KMT2C: variants seen among roughly 807,000 people sequenced by gnomAD.
The protein encoded by KMT2C is lysine methyltransferase 2C.
KMT2C carries 88 observed loss-of-function variants against 507.9 expected under a neutral mutation model. That is an observed-to-expected ratio of 0.17 (90% CI 0.15 to 0.21). The LOEUF (loss-of-function observed/expected upper bound fraction) is 0.21. Ranked by LOEUF, KMT2C falls within the 10% of genes least tolerant of loss-of-function variation. The pLI is 1.00. For missense variants in KMT2C, 4,954 were observed against 5,957.8 expected, an observed-to-expected ratio of 0.83 and a Z score of 5.55; for synonymous variants, 2,049 against 2,080.8, an observed-to-expected ratio of 0.98 and a Z score of 0.42.
chr7:152,324,507 T>C (rs1434093611), intron 3 of KMT2C, among the ~76,000 whole-genome samples: 2 of 151,912 alleles, frequency 1.3e-5, no homozygotes, highest in Non-Finnish European at 2.9e-5. Context: ...AGATAAAATG[T>C]ATATGTTCTG....
At position 152,193,997 on chromosome 7, in the gene KMT2C, G is replaced by A. The variant is rs1373382813; in HGVS notation, c.4660+12C>T. ...TGTGAATATAATGTAGAATTATAAA[G>A]TCATAACATACCCTGATTGTGTATT... On this transcript the variant is annotated intron_variant, in intron 31 of 58. Transcript: ENST00000262189. 2.6e-6 allele frequency: 4 copies of A among 1,528,606 alleles called. No homozygotes were observed. The highest frequency in any genetic ancestry group is 3.5e-6 in the Non-Finnish European group (4 of 1,146,636). The allele number at this position is 1,528,606 out of a possible 1,614,324, so 94.7% of individuals were successfully genotyped here. A position where few individuals can be genotyped will look rare whatever the true frequency, so the allele number is the denominator to read the frequency against.
intron 11 of KMT2C, 65 bp from the exon 12 acceptor site, chr7:152,251,031 A>G (rs2095554870): frequency 2.2e-6 from 2 of 910,300 alleles, no homozygotes; most frequent in African/African-American, 1.7e-5. Flanking sequence ...TTAAGTCAAC[A>G]ATTATGATTT....
Position 152,309,095 on chromosome 7 carries a change from T to A in KMT2C, c.849+871A>T, listed in dbSNP as rs370366638. ...AAATATCAAACAGAGGTAGTCCACA[T>A]TATGGACTAATGACCTTCAAATCTT... On this transcript the variant is annotated intron_variant, in intron 6 of 58. Coordinates refer to ENST00000262189, the MANE Select transcript of KMT2C (RefSeq NM_170606.3). Among the ~76,000 whole-genome samples the A allele has an allele frequency of 4.1e-4, 63 of 152,294 alleles. 1 individual carries two copies. Among genetic ancestry groups the A allele is most frequent in the African/African-American group, 1.5e-3 (61 of 41,548 alleles).
intron 26 of KMT2C, among the ~76,000 whole-genome samples, chr7:152,202,697 G>A (rs2094184724): frequency 6.6e-6 from 1 of 152,118 alleles, no homozygotes; most frequent in Non-Finnish European, 1.5e-5. Flanking sequence ...CTTATAGAAT[G>A]CTTAGAAGTG....
chr7:152,146,149 G>A (rs149626377), intron 53 of KMT2C, among the ~76,000 whole-genome samples: 2 of 152,198 alleles, frequency 1.3e-5, no homozygotes, highest in Non-Finnish European at 2.9e-5. Flanking sequence ...TGTCAAGAGA[G>A]GACAGAAATC....
chr7:152,409,453 C>G (rs1018817500), intron 1 of KMT2C, among the ~76,000 whole-genome samples: 1 of 151,726 alleles, frequency 6.6e-6, no homozygotes, highest in African/African-American at 2.4e-5. Context: ...TGCAGTGGCT[C>G]ACGCCTGTAA....
chr7:152,199,262 T>C lies in KMT2C; in HGVS notation c.4273+17A>G, dbSNP rs1305617591. The stretch of plus-strand genomic sequence containing the variant: ...TTATATGATATAAAGAAAATATCTG[T>C]GAATAATTCTACATACCGTGAGTTC... On this transcript the variant is annotated intron_variant, in intron 27 of 58. Transcript: ENST00000262189. The C allele has an allele frequency of 6.4e-7, 1 of 1,557,358 alleles. No individual in the cohort carries two copies. The highest frequency in any genetic ancestry group is 8.7e-7 in the Non-Finnish European group (1 of 1,154,764).
chr7:152,306,781 A>G (rs1271817351), intron 6 of KMT2C, among the ~76,000 whole-genome samples: 1 of 152,140 alleles, frequency 6.6e-6, no homozygotes, highest in Admixed American at 6.5e-5. Context: ...TTATGTTTGA[A>G]TTTTTGCCAG....
intron 1 of KMT2C, among the ~76,000 whole-genome samples, chr7:152,412,162 G>A (rs1339171548): frequency 2.6e-5 from 4 of 152,242 alleles, no homozygotes; most frequent in South Asian, 4.1e-4. Flanking sequence ...AGCAGTTTAG[G>A]AGGCCAAGGC....
chr7:152,364,183 T>C (rs572605258), intron 1 of KMT2C, among the ~76,000 whole-genome samples: 3 of 152,196 alleles, frequency 2.0e-5, no homozygotes, highest in Non-Finnish European at 4.4e-5. Context: ...CTACTGGGCA[T>C]AATCCAATAA....
At chr7:152,205,081 A>C (rs773337356) in intron 25 of KMT2C, 25 bp downstream of exon 25, 1 of 1,473,810 alleles carries the variant, frequency 6.8e-7, no homozygotes, top group Non-Finnish European at 9.2e-7. Flanking sequence ...TAAAAAAAAA[A>C]TTTTTTTTTA....
intron 14 of KMT2C, among the ~76,000 whole-genome samples, chr7:152,244,307 C>A (rs1137878): frequency 6.6e-6 from 1 of 152,020 alleles, no homozygotes; most frequent in East Asian, 1.9e-4. Context: ...TAAAATCTAC[C>A]GAGTTGATTA....
chr7:152,196,780 A>C (rs1360962967), intron 27 of KMT2C, among the ~76,000 whole-genome samples: 1 of 152,178 alleles, frequency 6.6e-6, no homozygotes, highest in Non-Finnish European at 1.5e-5. Context: ...CATAAAACTA[A>C]ATGAGGGAGT....
At chr7:152,191,359 C>G (rs541649837) in intron 31 of KMT2C, among the ~76,000 whole-genome samples, 118 of 152,284 alleles carry the variant, frequency 7.7e-4, no homozygotes, top group Non-Finnish European at 1.3e-3. Context: ...CCTCTGGGCC[C>G]CTGGTTTATA....
chr7:152,251,061 C>A, intron 11 of KMT2C, 95 bp from the exon 12 acceptor site: 1 of 669,708 alleles, frequency 1.5e-6, no homozygotes, highest in South Asian at 1.8e-5. Context: ...AAGGGCAAAT[C>A]ATCACCAAAA....
rs200184971 is a variant in KMT2C at position 152,248,143 on chromosome 7, G to T, written c.2291C>A (p.Ser764Tyr). The change falls in exon 14 of 59, where the codon TCT (serine) becomes TAT (tyrosine). Residue 764 changes from serine (S) to tyrosine (Y), a missense_variant. Ser to Tyr is a moderately radical substitution (Grantham distance 144). Transcript: ENST00000262189. ...YQGGKSIKLS[S>Y]ETESSFSSSA... ...TGATGAAAATGATGACTCTGTCTCAGATGATAACTTTATAGATTTGCCTCC... is the reference window on the plus strand; with the variant it reads ...TGATGAAAATGATGACTCTGTCTCATATGATAACTTTATAGATTTGCCTCC... 35 of 1,593,314 alleles carry T rather than the reference G, an allele frequency of 2.2e-5. No homozygotes were observed. In the African/African-American group the frequency reaches 3.3e-4, roughly 15 times the overall value.
intron 6 of KMT2C, among the ~76,000 whole-genome samples, chr7:152,288,530 CAATA>C (rs1170819337): frequency 2.0e-5 from 3 of 150,964 alleles, no homozygotes; most frequent in Admixed American, 6.6e-5. Context: ...AAAACTCTGA[CAATA>C]AATAAATAAA....
At chr7:152,194,811 A>G (rs1462924855) in intron 28 of KMT2C, among the ~76,000 whole-genome samples, 3 of 151,892 alleles carry the variant, frequency 2.0e-5, no homozygotes, top group African/African-American at 7.3e-5. Flanking sequence ...CTGAGGAATA[A>G]AAGAATACAT....
intron 53 of KMT2C, among the ~76,000 whole-genome samples, chr7:152,145,528 T>C (rs1020024249): frequency 6.6e-6 from 1 of 152,226 alleles, no homozygotes; most frequent in African/African-American, 2.4e-5. Flanking sequence ...CAAATGCTCC[T>C]TGAAGAAAAA....
Sources: allele counts gnomAD v4.1 joint callset (sites outside exome capture counted in the v4.1 genomes callset), GRCh38; gene constraint gnomAD v4.1.1; transcripts MANE v1.5; gene names NCBI Gene and HGNC (gene_info 2026-07-23, HGNC 2026-07-21).